The following INPP4B variants were observed in gnomAD, a reference collection of about 807,000 sequenced individuals.
INPP4B encodes inositol polyphosphate-4-phosphatase type II B.
A neutral mutation model predicts 122.5 loss-of-function variants in INPP4B; 55 were observed. The ratio of observed to expected loss-of-function variants is 0.45; its 90% CI spans 0.36 to 0.56. The LOEUF (loss-of-function observed/expected upper bound fraction) is 0.56. Among genes scored for constraint, INPP4B ranks in the 20% least tolerant of loss-of-function variants. INPP4B has a pLI of 0.00. For synonymous variants in INPP4B, 403 were observed against 388.7 expected (o/e 1.04, Z -0.43); for missense variants, 1,000 against 1,097.7 (o/e 0.91, Z 1.26).
intron 2 of INPP4B, among the ~76,000 whole-genome samples, chr4:142,653,216 C>A (rs1329283310): frequency 1.3e-5 from 2 of 152,068 alleles, no homozygotes; most frequent in Non-Finnish European, 1.5e-5. Flanking sequence ...TTATACAAAA[C>A]TGAATTTGAG....
chr4:142,165,842 G>A (rs1333695890), intron 16 of INPP4B, among the ~76,000 whole-genome samples: 3 of 151,666 alleles, frequency 2.0e-5, no homozygotes, highest in Non-Finnish European at 4.4e-5. Flanking sequence ...ACATAACAGT[G>A]ATGCATGAAA....
chr4:142,799,504 TA>T (rs1233575853), intron 1 of INPP4B, among the ~76,000 whole-genome samples: 1 of 151,914 alleles, frequency 6.6e-6, no homozygotes, highest in Non-Finnish European at 1.5e-5. Context: ...AAAAATAATA[TA>T]AAAATATGTA....
intron 2 of INPP4B, among the ~76,000 whole-genome samples, chr4:142,620,241 A>C (rs894585): frequency 0.12 from 17,669 of 152,004 alleles, 1,119 homozygotes; most frequent in South Asian, 0.16. Context: ...GCACAAATAC[A>C]TGGAATCAAC....
intron 2 of INPP4B, among the ~76,000 whole-genome samples, chr4:142,546,432 G>C (rs1290226029): frequency 6.6e-6 from 1 of 152,074 alleles, no homozygotes; most frequent in African/African-American, 2.4e-5. Flanking sequence ...TTGTATATTT[G>C]ATAGAGTAAG....
chr4:142,523,397 T>G (rs1356842175), intron 2 of INPP4B, among the ~76,000 whole-genome samples: 2 of 152,086 alleles, frequency 1.3e-5, no homozygotes, highest in Non-Finnish European at 2.9e-5. Context: ...ACTGAAGATG[T>G]ACACTTGTCA....
intron 23 of INPP4B, among the ~76,000 whole-genome samples, chr4:142,093,872 G>T (rs543829647): frequency 6.7e-6 from 1 of 149,616 alleles, no homozygotes; most frequent in South Asian, 2.2e-4. Flanking sequence ...AAATTTCAAG[G>T]TTGCATCACC....
intron 2 of INPP4B, among the ~76,000 whole-genome samples, chr4:142,479,158 C>G (rs1580169603): frequency 6.6e-6 from 1 of 151,948 alleles, no homozygotes; most frequent in Non-Finnish European, 1.5e-5. Context: ...GCAAAGGATA[C>G]AAACAGACAC....
rs147789105 is a variant in INPP4B at position 142,034,556 on chromosome 4, G to A, written c.2643-5642C>T. ...ATGCCCAACTCCCTTCCAGCCCTCA[G>A]TTCCCCACAGCCTGACTGATCACAG... On this transcript the variant is annotated intron_variant, in intron 25 of 25. Coordinates refer to ENST00000262992, the MANE Select transcript of INPP4B (RefSeq NM_001101669.3). Among the ~76,000 whole-genome samples, 13 of 152,010 alleles carry A rather than the reference G, an allele frequency of 8.6e-5. No individual in the cohort carries two copies. The East Asian group carries it at 2.3e-3, about 27-fold the overall frequency.
intron 3 of INPP4B, among the ~76,000 whole-genome samples, chr4:142,448,519 G>A (rs1304373677): frequency 1.3e-5 from 2 of 152,004 alleles, no homozygotes; most frequent in Non-Finnish European, 2.9e-5. Flanking sequence ...CTACACACCT[G>A]GAATTTGCAA....
intron 1 of INPP4B, among the ~76,000 whole-genome samples, chr4:142,772,805 G>A (rs1773289209): frequency 6.6e-6 from 1 of 152,040 alleles, no homozygotes; most frequent in African/African-American, 2.4e-5. Flanking sequence ...AGCACTTTGG[G>A]AGGCCAAGGC....
chr4:142,748,006 G>T (rs926632439), intron 1 of INPP4B, among the ~76,000 whole-genome samples: 1 of 151,996 alleles, frequency 6.6e-6, no homozygotes, highest in Admixed American at 6.6e-5. Flanking sequence ...ATGTACCCCA[G>T]AACTTAGAGT....
At chr4:142,138,483 A>G (rs1338662736) in intron 18 of INPP4B, among the ~76,000 whole-genome samples, 2 of 151,768 alleles carry the variant, frequency 1.3e-5, no homozygotes, top group East Asian at 1.9e-4. Context: ...ACATGTATAC[A>G]TATGTAACTA....
At chr4:142,794,683 G>A (rs1776997014) in intron 1 of INPP4B, among the ~76,000 whole-genome samples, 1 of 151,526 alleles carries the variant, frequency 6.6e-6, no homozygotes, top group Non-Finnish European at 1.5e-5. Context: ...ACACAATCTG[G>A]GAGATAATAT....
At chr4:142,770,038 G>A (rs1244703479) in intron 1 of INPP4B, among the ~76,000 whole-genome samples, 1 of 152,150 alleles carries the variant, frequency 6.6e-6, no homozygotes, top group Non-Finnish European at 1.5e-5. Flanking sequence ...TAGAAAATGG[G>A]AAGTCATTGA....
At chr4:142,302,050 A>G (rs997855370) in intron 9 of INPP4B, among the ~76,000 whole-genome samples, 1 of 152,174 alleles carries the variant, frequency 6.6e-6, no homozygotes, top group African/African-American at 2.4e-5. Flanking sequence ...AAATTACATC[A>G]GGTTGGTAGA....
chr4:142,509,031 A>G (rs1322072229), intron 2 of INPP4B, among the ~76,000 whole-genome samples: 2 of 152,178 alleles, frequency 1.3e-5, no homozygotes, highest in Non-Finnish European at 2.9e-5. Flanking sequence ...CCAAAACACA[A>G]CAAAAGCCAG....
chr4:142,696,279 C>T (rs183910065), intron 2 of INPP4B, among the ~76,000 whole-genome samples: 18 of 152,234 alleles, frequency 1.2e-4, no homozygotes, highest in Admixed American at 1.2e-3. Context: ...TTTATACCAT[C>T]CTCAAGGGGC....
rs182268151 is a variant in INPP4B at position 142,644,100 on chromosome 4, C to A, written c.-191+81739G>T. ...CCTATAGTCCTAGCTACTTGGGAGA[C>A]AAGCAGGAATATTACTTAAGCCCAA... On this transcript the variant is annotated intron_variant, in intron 2 of 25. Coordinates refer to ENST00000262992, the MANE Select transcript of INPP4B (RefSeq NM_001101669.3). 7.9e-5 allele frequency among the ~76,000 whole-genome samples: 12 copies of A among 151,758 alleles called. No homozygotes were observed. In the East Asian group the frequency reaches 2.3e-3, roughly 29 times the overall value.
chr4:142,107,231 G>A (rs1787614155), intron 23 of INPP4B, among the ~76,000 whole-genome samples: 1 of 152,194 alleles, frequency 6.6e-6, no homozygotes, highest in Middle Eastern at 3.4e-3. Context: ...AGGTTATGAA[G>A]ACATAAACAC....
Sources: gnomAD v4.1 joint callset for allele counts (sites outside exome capture counted in the v4.1 genomes callset) on GRCh38, gnomAD v4.1.1 for gene constraint, MANE v1.5 for transcripts, NCBI Gene and HGNC (gene_info 2026-07-23, HGNC 2026-07-21) for gene names.